BAG4: variants seen among roughly 807,000 people sequenced by gnomAD.
The protein encoded by BAG4 is BAG family molecular chaperone regulator 4.
Under a neutral mutation model 52.1 loss-of-function variants are expected in BAG4, and 28 were observed. That is an observed-to-expected ratio of 0.54 (90% CI 0.40 to 0.74). BAG4 has a LOEUF of 0.74. Ranked by LOEUF, BAG4 falls within the 30% of genes least tolerant of loss-of-function variation. The probability of loss-of-function intolerance (pLI) is 0.00; values close to 1 mark genes in which losing one functional copy is unlikely to be tolerated. For missense variants in BAG4, 525 were observed against 572.0 expected (o/e 0.92, Z 0.84); for synonymous variants, 208 against 217.0 (o/e 0.96, Z 0.37).
At chr8:38,206,756 C>G (rs1241944168) in intron 2 of BAG4, among the ~76,000 whole-genome samples, 1 of 151,916 alleles carries the variant, frequency 6.6e-6, no homozygotes, top group Non-Finnish European at 1.5e-5. Flanking sequence ...AGGTCTGTCT[C>G]TATAGTCTTT....
chr8:38,190,308 G>A (rs1026492438), intron 1 of BAG4, among the ~76,000 whole-genome samples: 1 of 152,164 alleles, frequency 6.6e-6, no homozygotes. Context: ...TATATGAAGA[G>A]TTTAAGATAT....
chr8:38,184,958 G>A (rs771388545), intron 1 of BAG4, among the ~76,000 whole-genome samples: 6 of 151,964 alleles, frequency 3.9e-5, no homozygotes, highest in Non-Finnish European at 5.9e-5. Flanking sequence ...GCGTTGTGGC[G>A]CATGCCTGTA....
In BAG4 at chr8:38,181,837, C is replaced by A. The variant is rs745339461; in HGVS notation, c.270+4698C>A. 1.0e-3 allele frequency among the ~76,000 whole-genome samples: 139 copies of A among 135,314 alleles called. 2 individuals are homozygous for A. In the Middle Eastern group the frequency reaches 0.022, roughly 22 times the overall value. The allele number at this position is 135,314 out of a possible 152,430, so 88.8% of individuals were successfully genotyped here. ...ACCAGGGAGGCGGTGGTCGCAGTGA[C>A]CGAGATCATGCCACGAACTCCAGCC... On this transcript the variant is annotated intron_variant, in intron 1 of 4. Coordinates refer to ENST00000287322, the MANE Select transcript of BAG4 (RefSeq NM_004874.4).
chr8:38,205,920 AC>A (rs944541726), intron 2 of BAG4, among the ~76,000 whole-genome samples: 1 of 149,702 alleles, frequency 6.7e-6, no homozygotes, highest in Admixed American at 6.7e-5. Flanking sequence ...TTTAAAAATT[AC>A]TTTTTTTTTT....
intron 1 of BAG4, among the ~76,000 whole-genome samples, chr8:38,187,279 A>G (rs1803378860): frequency 1.3e-5 from 2 of 152,184 alleles, no homozygotes; most frequent in African/African-American, 4.8e-5. Context: ...AAAAGAAACA[A>G]ATAGAAATTC....
At chr8:38,195,552 A>G (rs929819716) in intron 2 of BAG4, among the ~76,000 whole-genome samples, 3 of 152,158 alleles carry the variant, frequency 2.0e-5, no homozygotes, top group Admixed American at 2.0e-4. Flanking sequence ...TGGCCTCTCA[A>G]AGCACTGGGA....
intron 2 of BAG4, among the ~76,000 whole-genome samples, chr8:38,199,644 C>T (rs1803624364): frequency 6.6e-6 from 1 of 151,866 alleles, no homozygotes; most frequent in Non-Finnish European, 1.5e-5. Context: ...CTGCCTCAGC[C>T]TCCCAAGTAG....
In BAG4 at chr8:38,210,189, A is replaced by T; in HGVS notation, c.1070A>T (p.Asn357Ile). ...LYGNATSDHP[N>I]NQDQSSSLPE... Reference sequence around the variant, plus strand: ...GGTAATGCCACCAGTGACCATCCCAACAATCAAGATCAAAGTAGCAGTCTT... The same window carrying T: ...GGTAATGCCACCAGTGACCATCCCATCAATCAAGATCAAAGTAGCAGTCTT... The change falls in exon 5 of 5, where the codon AAC becomes ATC. Residue 357 changes from asparagine to isoleucine, a missense_variant. Coordinates refer to ENST00000287322, the MANE Select transcript of BAG4 (RefSeq NM_004874.4). 1 of 1,614,216 alleles carries T rather than the reference A, an allele frequency of 6.2e-7. No homozygotes were observed. Among genetic ancestry groups the T allele is most frequent in the Non-Finnish European group, 8.5e-7 (1 of 1,180,044 alleles).
chr8:38,199,463 T>C (rs1275639198), intron 2 of BAG4, among the ~76,000 whole-genome samples: 3 of 152,236 alleles, frequency 2.0e-5, no homozygotes, highest in Admixed American at 6.5e-5. Context: ...GCTCCTGCTT[T>C]TGATGTCTTA....
rs762316003 is a variant in BAG4 at position 38,207,722 on chromosome 8, G to A, written c.589G>A (p.Ala197Thr). 4.3e-6 allele frequency: 7 copies of A among 1,614,102 alleles called. No individual in the cohort carries two copies. Among genetic ancestry groups the A allele is most frequent in the Non-Finnish European group, 5.9e-6 (7 of 1,180,014 alleles). ...IYPQQDCQTE[A>T]PPLRGQVPGY... ...TCCCCAGCAGGACTGTCAGACTGAA[G>A]CACCCCCTCTTAGGGGGCAGGTTCC... is the stretch of plus-strand genomic sequence containing the variant. The change falls in exon 3 of 5, where the codon GCA becomes ACA. Residue 197 changes from alanine to threonine, a missense_variant. Physicochemically the swap from Ala to Thr is moderately conservative, Grantham distance 58. This residue lies in a region of BAG4 where 287 missense variants were observed against 266.1 expected (regional missense o/e 1.08). Transcript: ENST00000287322.
At chr8:38,196,914 T>C (rs1803571195) in intron 2 of BAG4, among the ~76,000 whole-genome samples, 1 of 151,050 alleles carries the variant, frequency 6.6e-6, no homozygotes, top group Non-Finnish European at 1.5e-5. Flanking sequence ...CCTTCACTAC[T>C]AAAAATACAA....
At chr8:38,181,755 A>C (rs1803275225) in intron 1 of BAG4, among the ~76,000 whole-genome samples, 1 of 151,580 alleles carries the variant, frequency 6.6e-6, no homozygotes, top group Non-Finnish European at 1.5e-5. Context: ...AAAAACAAAA[A>C]TTAGCCGGGC....
chr8:38,204,626 A>G (rs975994089), intron 2 of BAG4, among the ~76,000 whole-genome samples: 1 of 151,836 alleles, frequency 6.6e-6, no homozygotes, highest in Non-Finnish European at 1.5e-5. Flanking sequence ...CCTCATTTCT[A>G]TTTAAAGAAA....
chr8:38,204,659 A>C (rs973552584), intron 2 of BAG4, among the ~76,000 whole-genome samples: 3 of 151,996 alleles, frequency 2.0e-5, no homozygotes, highest in African/African-American at 7.2e-5. Context: ...GAAAAAAAAA[A>C]CAAAAACAAC....
intron 1 of BAG4, among the ~76,000 whole-genome samples, chr8:38,188,036 CAAAAAAA>C (rs1157770485): frequency 2.7e-5 from 1 of 37,138 alleles, no homozygotes; most frequent in African/African-American, 1.1e-4. Context: ...GACTCCGTCT[CAAAAAAA>C]AAAAAAAAAA....
chr8:38,179,701 G>A (rs1803232027), intron 1 of BAG4, among the ~76,000 whole-genome samples: 1 of 151,898 alleles, frequency 6.6e-6, no homozygotes, highest in Non-Finnish European at 1.5e-5. Flanking sequence ...AGGAGGCGGA[G>A]GTTGCAGTGA....
chr8:38,209,385 C>G (rs1344645711), intron 4 of BAG4, 118 bp downstream of exon 4: 6 of 1,366,600 alleles, frequency 4.4e-6, no homozygotes, highest in African/African-American at 1.5e-5. Context: ...AAGTTGGTGA[C>G]TACTTATCTA....
intron 1 of BAG4, among the ~76,000 whole-genome samples, chr8:38,179,220 C>T (rs1183561214): frequency 1.3e-5 from 2 of 151,970 alleles, no homozygotes; most frequent in African/African-American, 2.4e-5. Context: ...AATGCAGTGG[C>T]GCAATCTCAG....
chr8:38,209,139 C>T lies in BAG4; in HGVS notation c.760C>T (p.Arg254Cys), dbSNP rs1157493354. The T allele has an allele frequency of 4.3e-6, 7 of 1,614,080 alleles. No individual in the cohort carries two copies. Among genetic ancestry groups the T allele is most frequent in the Middle Eastern group, 1.6e-4 (1 of 6,062 alleles). Residue 254 changes from arginine (R) to cysteine (C), a missense_variant, in exon 4 of 5, where the codon CGT (arginine) becomes TGT (cysteine). Physicochemically the swap from Arg to Cys is radical, Grantham distance 180 (BLOSUM62 -3). This residue lies in a region of BAG4 where 238 missense variants were observed against 305.8 expected (regional missense o/e 0.78). Coordinates refer to ENST00000287322, the MANE Select transcript of BAG4 (RefSeq NM_004874.4). ...ASPGAYGMGG[R>C]YPWPSSAPSA... ...TCCTGGTGCTTATGGAATGGGTGGC[C>T]GTTATCCCTGGCCTTCATCAGCGCC... is the stretch of plus-strand genomic sequence containing the variant.
Sources: allele counts gnomAD v4.1 joint callset (sites outside exome capture counted in the v4.1 genomes callset), GRCh38; gene constraint gnomAD v4.1.1; regional missense constraint gnomAD v4.1.1; transcripts MANE v1.5; gene names NCBI Gene and HGNC (gene_info 2026-07-23, HGNC 2026-07-21).